The following SLC24A3 variants were observed in gnomAD, a reference collection of about 807,000 sequenced individuals.
SLC24A3 encodes solute carrier family 24 member 3.
Under a neutral mutation model 75.8 loss-of-function variants are expected in SLC24A3, and 28 were observed. The observed-to-expected ratio is 0.37, with a 90% CI of 0.27 to 0.51. The LOEUF is 0.51. SLC24A3 is among the 20% of genes least tolerant of loss of function. The probability of loss-of-function intolerance (pLI) is 0.94; values close to 1 mark genes in which losing one functional copy is unlikely to be tolerated. For missense variants in SLC24A3, 663 were observed against 847.8 expected (o/e 0.78, Z 2.71); for synonymous variants, 372 against 334.1 (o/e 1.11, Z -1.24).
At chr20:19,455,290 G>A (rs1987559467) in intron 2 of SLC24A3, among the ~76,000 whole-genome samples, 1 of 152,078 alleles carries the variant, frequency 6.6e-6, no homozygotes, top group Admixed American at 6.6e-5. Flanking sequence ...GTCATTGGTG[G>A]GTTGATTGAT....
At chr20:19,687,184 T>A (rs572050167) in intron 12 of SLC24A3, among the ~76,000 whole-genome samples, 2 of 152,288 alleles carry the variant, frequency 1.3e-5, no homozygotes, top group East Asian at 3.9e-4. Flanking sequence ...GGAGAAATCA[T>A]TACCAGGCAC....
intron 6 of SLC24A3, among the ~76,000 whole-genome samples, chr20:19,636,022 C>T (rs917266785): frequency 6.6e-6 from 1 of 152,134 alleles, no homozygotes; most frequent in African/African-American, 2.4e-5. Context: ...CGCCTGTGGT[C>T]CCAGCTACTT....
rs866527062 is a variant in SLC24A3 at position 19,720,811 on chromosome 20, A to T, written c.1786-180A>T. ...CTGGCTTCCTTTCTTCCTGATGTTG[A>T]TGTTCTCACCTCCCACAATCTGAGA... On this transcript the variant is annotated intron_variant, in intron 16 of 16. Transcript: ENST00000328041. Among the ~76,000 whole-genome samples, 3 of 151,890 alleles carry T rather than the reference A, an allele frequency of 2.0e-5. No individual in the cohort carries two copies. The South Asian group carries it at 6.2e-4, about 31-fold the overall frequency.
chr20:19,527,558 C>A (rs890427127), intron 3 of SLC24A3, among the ~76,000 whole-genome samples: 2 of 152,156 alleles, frequency 1.3e-5, no homozygotes, highest in Non-Finnish European at 2.9e-5. Context: ...ACTCAGGAAA[C>A]CCCTGCTCAT....
intron 2 of SLC24A3, among the ~76,000 whole-genome samples, chr20:19,291,143 C>T (rs1428235644): frequency 6.6e-6 from 1 of 152,208 alleles, no homozygotes; most frequent in African/African-American, 2.4e-5. Flanking sequence ...GGGCGAGGTG[C>T]CCCTGGGGCT....
chr20:19,569,539 G>A (rs866745994), intron 3 of SLC24A3, among the ~76,000 whole-genome samples: 89 of 152,180 alleles, frequency 5.8e-4, no homozygotes, highest in African/African-American at 2.1e-3. Flanking sequence ...TCTCTGCCCT[G>A]CTCTGGACAG....
At chr20:19,409,696 ATGCT>A (rs138177181) in intron 2 of SLC24A3, among the ~76,000 whole-genome samples, 1,534 of 152,322 alleles carry the variant, frequency 0.01, 31 homozygotes, top group African/African-American at 0.035. Flanking sequence ...ATTTACAATC[ATGCT>A]TGTGAAGAAT....
intron 1 of SLC24A3, among the ~76,000 whole-genome samples, chr20:19,228,721 C>T (rs1346267134): frequency 6.6e-6 from 1 of 151,484 alleles, no homozygotes; most frequent in Non-Finnish European, 1.5e-5. Flanking sequence ...TTTAATATAA[C>T]AATATATATA....
At chr20:19,439,372 G>A (rs1987261908) in intron 2 of SLC24A3, among the ~76,000 whole-genome samples, 1 of 152,114 alleles carries the variant, frequency 6.6e-6, no homozygotes, top group Non-Finnish European at 1.5e-5. Flanking sequence ...TTTTTCTTCT[G>A]TGGAAAATGA....
At chr20:19,509,124 A>G (rs894149774) in intron 2 of SLC24A3, among the ~76,000 whole-genome samples, 1 of 152,006 alleles carries the variant, frequency 6.6e-6, no homozygotes, top group Admixed American at 6.5e-5. Context: ...CACTATCTAC[A>G]CTCTTCATAA....
intron 12 of SLC24A3, 105 bp downstream of exon 12, chr20:19,685,466 T>G: frequency 2.6e-6 from 4 of 1,511,896 alleles, no homozygotes; most frequent in Non-Finnish European, 2.7e-6. Context: ...TTAAAATCTC[T>G]GTATGAACAT....
chr20:19,371,198 A>G (rs576992866), intron 2 of SLC24A3, among the ~76,000 whole-genome samples: 14 of 152,232 alleles, frequency 9.2e-5, no homozygotes, highest in East Asian at 7.8e-4. Context: ...TTCCTCCCCA[A>G]TAGGGGAGGG....
chr20:19,489,406 G>A (rs1988174188), intron 2 of SLC24A3, among the ~76,000 whole-genome samples: 2 of 152,174 alleles, frequency 1.3e-5, no homozygotes, highest in African/African-American at 4.8e-5. Flanking sequence ...GGTTAAAGCA[G>A]CACATGACTC....
intron 7 of SLC24A3, among the ~76,000 whole-genome samples, chr20:19,665,297 G>A (rs866619186): frequency 6.6e-6 from 1 of 152,104 alleles, no homozygotes; most frequent in Non-Finnish European, 1.5e-5. Flanking sequence ...CGGGGTGATG[G>A]CAAGGAGTGT....
chr20:19,642,920 G>A (rs2032092903), intron 6 of SLC24A3, among the ~76,000 whole-genome samples: 9 of 152,120 alleles, frequency 5.9e-5, no homozygotes, highest in Admixed American at 5.9e-4. Context: ...TTTCTTTAAT[G>A]CAGGGGGGAA....
At chr20:19,484,282 C>T (rs6035354) in intron 2 of SLC24A3, among the ~76,000 whole-genome samples, 37,007 of 152,104 alleles carry the variant, frequency 0.24, 4,971 homozygotes, top group East Asian at 0.5. Flanking sequence ...ACCTTATACA[C>T]GTAGCCTAAA....
chr20:19,322,192 T>C (rs1354854983), intron 2 of SLC24A3, among the ~76,000 whole-genome samples: 1 of 152,168 alleles, frequency 6.6e-6, no homozygotes, highest in Admixed American at 6.5e-5. Flanking sequence ...TCTGTGGCTT[T>C]AGTATCCTTG....
chr20:19,388,567 CG>C (rs1007564658), intron 2 of SLC24A3, among the ~76,000 whole-genome samples: 2 of 152,026 alleles, frequency 1.3e-5, no homozygotes, highest in African/African-American at 4.8e-5. Flanking sequence ...AAAAATTAGC[CG>C]GGCGTGGTGG....
chr20:19,302,719 A>G (rs1176520092), intron 2 of SLC24A3, among the ~76,000 whole-genome samples: 5 of 152,210 alleles, frequency 3.3e-5, no homozygotes, highest in South Asian at 2.1e-4. Flanking sequence ...TACTATATTA[A>G]TATTTGTGAT....
Sources: gnomAD v4.1 joint callset for allele counts (sites outside exome capture counted in the v4.1 genomes callset) on GRCh38, gnomAD v4.1.1 for gene constraint, MANE v1.5 for transcripts, NCBI Gene and HGNC (gene_info 2026-07-23, HGNC 2026-07-21) for gene names.